Variants in LDLRAD4 observed in about 807,000 individuals in gnomAD.
LDLRAD4 encodes the protein low density lipoprotein receptor class A domain containing 4.
In LDLRAD4, 5 loss-of-function variants were observed where a neutral mutation model predicts 17.0. That is an observed-to-expected ratio of 0.29 (90% CI 0.15 to 0.62). The LOEUF (loss-of-function observed/expected upper bound fraction) is 0.62. Ranked by LOEUF, LDLRAD4 falls within the 20% of genes least tolerant of loss-of-function variation. LDLRAD4 has a pLI of 0.84. For missense variants in LDLRAD4, 340 were observed against 424.7 expected (o/e 0.80, Z 1.75); for synonymous variants, 168 against 171.8 (o/e 0.98, Z 0.17).
chr18:13,435,372 T>C (rs945977707), intron 2 of LDLRAD4, among the ~76,000 whole-genome samples: 10 of 152,232 alleles, frequency 6.6e-5, no homozygotes, highest in African/African-American at 2.4e-4. Context: ...AGTGGCCATG[T>C]GATGGAAAGA....
chr18:13,580,805 C>T lies in LDLRAD4; in HGVS notation c.182-40312C>T, dbSNP rs376362382. On this transcript the variant is annotated intron_variant, in intron 3 of 5. Transcript: ENST00000359446. Reference sequence around the variant, plus strand: ...AAACTGTCAAGCTGTCTTTGAACTACGGCTCCCTTTCTAATCAAGCCTCTG... The same window carrying T: ...AAACTGTCAAGCTGTCTTTGAACTATGGCTCCCTTTCTAATCAAGCCTCTG... Among the ~76,000 whole-genome samples the T allele has an allele frequency of 6.6e-5, 10 of 152,338 alleles. No homozygotes were observed. In the East Asian group the frequency reaches 7.7e-4, roughly 12 times the overall value.
chr18:13,540,778 A>G (rs1482617435), intron 3 of LDLRAD4, among the ~76,000 whole-genome samples: 3 of 152,230 alleles, frequency 2.0e-5, no homozygotes, highest in Admixed American at 2.0e-4. Flanking sequence ...CTGGTGTGAA[A>G]TGCCCAGAGA....
chr18:13,378,029 CTG>C (rs2085056213), intron 1 of LDLRAD4, among the ~76,000 whole-genome samples: 1 of 152,158 alleles, frequency 6.6e-6, no homozygotes, highest in African/African-American at 2.4e-5. Context: ...CAGCTGTTCC[CTG>C]TGTGTTTGAT....
intron 3 of LDLRAD4, among the ~76,000 whole-genome samples, chr18:13,441,057 G>T (rs1219613207): frequency 6.6e-6 from 1 of 152,210 alleles, no homozygotes; most frequent in East Asian, 1.9e-4. Flanking sequence ...CTGTGTGGCT[G>T]GGAGCTCCGG....
intron 2 of LDLRAD4, among the ~76,000 whole-genome samples, chr18:13,400,225 C>T (rs1190359628): frequency 6.6e-6 from 1 of 152,210 alleles, no homozygotes; most frequent in Non-Finnish European, 1.5e-5. Flanking sequence ...ATCCATGTCA[C>T]ATACACTTGC....
At chr18:13,490,986 G>A (rs2093346674) in intron 3 of LDLRAD4, among the ~76,000 whole-genome samples, 1 of 152,216 alleles carries the variant, frequency 6.6e-6, no homozygotes, top group Non-Finnish European at 1.5e-5. Context: ...TAACCTCAGA[G>A]TGAATCACTG....
intron 1 of LDLRAD4, among the ~76,000 whole-genome samples, chr18:13,265,260 G>C (rs2044150800): frequency 6.6e-6 from 1 of 152,110 alleles, no homozygotes. Context: ...CCTGGTCTAG[G>C]ACCTCGTTCT....
At chr18:13,458,371 G>A (rs2092257528) in intron 3 of LDLRAD4, among the ~76,000 whole-genome samples, 2 of 152,310 alleles carry the variant, frequency 1.3e-5, no homozygotes, top group Non-Finnish European at 2.9e-5. Flanking sequence ...AGGGGAATGA[G>A]TCTTCTGTGC....
intron 1 of LDLRAD4, among the ~76,000 whole-genome samples, chr18:13,235,378 A>G (rs1310249707): frequency 1.3e-5 from 2 of 152,198 alleles, no homozygotes; most frequent in Non-Finnish European, 2.9e-5. Context: ...TGTTCTTGGG[A>G]TCAGGAAAAG....
chr18:13,583,215 A>AT (rs1452294632), intron 3 of LDLRAD4, among the ~76,000 whole-genome samples: 1 of 152,198 alleles, frequency 6.6e-6, no homozygotes, highest in Non-Finnish European at 1.5e-5. Flanking sequence ...AAAATTATAT[A>AT]TAAATACATG....
At position 13,293,996 on chromosome 18, in the gene LDLRAD4, G is replaced by T. The variant is rs115711542; in HGVS notation, c.-383+15808G>T. Among the ~76,000 whole-genome samples the T allele has an allele frequency of 7.7e-3, 1,168 of 152,192 alleles. 20 individuals are homozygous for T. The highest frequency in any genetic ancestry group is 0.026 in the African/African-American group (1,089 of 41,516). ...CAGTCACTCAGTTGTTTCTGAAGTT[G>T]GAATGGCAGATTTGTCTCAGTGGTT... On this transcript the variant is annotated intron_variant, in intron 1 of 5. Transcript: ENST00000359446.
At chr18:13,322,784 ATTTTT>A (rs34579599) in intron 1 of LDLRAD4, among the ~76,000 whole-genome samples, 5 of 130,420 alleles carry the variant, frequency 3.8e-5, no homozygotes, top group Admixed American at 1.5e-4. Flanking sequence ...TACATGGCTA[ATTTTT>A]TTTTTTTTTT....
chr18:13,298,142 G>A (rs1032469239), intron 1 of LDLRAD4, among the ~76,000 whole-genome samples: 1 of 152,232 alleles, frequency 6.6e-6, no homozygotes, highest in Non-Finnish European at 1.5e-5. Flanking sequence ...TGGTTCCAGG[G>A]TGCAATGGTG....
chr18:13,530,233 A>G (rs771578135), intron 3 of LDLRAD4, among the ~76,000 whole-genome samples: 1 of 152,236 alleles, frequency 6.6e-6, no homozygotes, highest in Non-Finnish European at 1.5e-5. Context: ...GTGGAAATGT[A>G]GTGTACAGCT....
intron 1 of LDLRAD4, among the ~76,000 whole-genome samples, chr18:13,386,097 G>A (rs1315100586): frequency 6.6e-6 from 1 of 152,154 alleles, no homozygotes; most frequent in Admixed American, 6.5e-5. Flanking sequence ...GCTCCTTTCT[G>A]TTCTGTGCTC....
intron 3 of LDLRAD4, among the ~76,000 whole-genome samples, chr18:13,496,502 T>C (rs190416175): frequency 7.3e-4 from 111 of 152,328 alleles, no homozygotes; most frequent in African/African-American, 2.5e-3. Context: ...CGTGTGGAAG[T>C]TGAGCCATGT....
At chr18:13,550,904 G>A (rs956841777) in intron 3 of LDLRAD4, among the ~76,000 whole-genome samples, 1 of 152,092 alleles carries the variant, frequency 6.6e-6, no homozygotes, top group African/African-American at 2.4e-5. Flanking sequence ...CCCCTCCTAT[G>A]AGTACAGATG....
At chr18:13,484,982 G>A (rs1381091920) in intron 3 of LDLRAD4, among the ~76,000 whole-genome samples, 2 of 152,152 alleles carry the variant, frequency 1.3e-5, no homozygotes, top group East Asian at 3.8e-4. Context: ...TTGTAGACAG[G>A]CACGTCACCC....
chr18:13,228,533 A>G (rs111585248), intron 1 of LDLRAD4, among the ~76,000 whole-genome samples: 12 of 152,214 alleles, frequency 7.9e-5, no homozygotes, highest in African/African-American at 2.9e-4. Context: ...TCTGGATACA[A>G]TGTGTGCAGG....
Sources: allele counts gnomAD v4.1 joint callset (sites outside exome capture counted in the v4.1 genomes callset), GRCh38; gene constraint gnomAD v4.1.1; transcripts MANE v1.5; gene names NCBI Gene and HGNC (gene_info 2026-07-23, HGNC 2026-07-21).